The following ZC3H12D variants were observed in gnomAD, a reference collection of about 807,000 sequenced individuals.
ZC3H12D encodes zinc finger CCCH-type containing 12D, also known as probable ribonuclease ZC3H12D.
ZC3H12D carries 11 observed loss-of-function variants against 24.2 expected under a neutral mutation model. The ratio of observed to expected loss-of-function variants is 0.46; its 90% CI spans 0.29 to 0.75. ZC3H12D has a LOEUF of 0.75. Among genes scored for constraint, ZC3H12D ranks in the 30% least tolerant of loss-of-function variants. The pLI, the probability that ZC3H12D is intolerant of heterozygous loss-of-function variation, is 0.11. For missense variants in ZC3H12D, 740 were observed against 767.7 expected, an observed-to-expected ratio of 0.96 and a Z score of 0.43; for synonymous variants, 333 against 341.8, an observed-to-expected ratio of 0.97 and a Z score of 0.28.
chr6:149,457,041 G>A, intron 3 of ZC3H12D, 141 bp from the exon 4 acceptor site: 2 of 787,990 alleles, frequency 2.5e-6, no homozygotes, highest in South Asian at 1.8e-5. Context: ...AGTTTTTGCC[G>A]CCATAGCGTT....
At chr6:149,473,397 A>C (rs438852) in intron 2 of ZC3H12D, among the ~76,000 whole-genome samples, 1 of 152,080 alleles carries the variant, frequency 6.6e-6, no homozygotes, top group Non-Finnish European at 1.5e-5. Flanking sequence ...GGAGTGAACC[A>C]TTTCCTATGG....
chr6:149,456,627 C>CCCCCCCCCCCCCGGGGTGAG lies in ZC3H12D; in HGVS notation c.680+38_680+39insCTCACCCCGGGGGGGGGGGG. ...CTGCCTCGACCCCGGCCCCCCGCCC[C>CCCCCCCCCCCCCGGGGTGAG]GCCGCCCCCCAGGGTGTCAGGACCC... On this transcript the variant is annotated intron_variant, in intron 4 of 5. Coordinates refer to ENST00000409806, the MANE Select transcript of ZC3H12D (RefSeq NM_207360.3). The surrounding 1 kb of genome is among the most constrained non-coding windows in gnomAD (Gnocchi z 4.3). The CCCCCCCCCCCCCGGGGTGAG allele has an allele frequency of 7.1e-7, 1 of 1,403,090 alleles. No homozygotes were observed. 86.9% of individuals were successfully genotyped at this position (1,403,090 alleles called of 1,614,324 possible).
Position 149,452,447 on chromosome 6 carries a change from A to G in ZC3H12D, c.787+169T>C, listed in dbSNP as rs1299695567. 2.6e-5 allele frequency: 14 copies of G among 539,872 alleles called. No individual in the cohort carries two copies. The highest frequency in any genetic ancestry group is 4.1e-5 in the Non-Finnish European group (13 of 320,344). 33.4% of individuals were successfully genotyped at this position (539,872 alleles called of 1,614,324 possible). On this transcript the variant is annotated intron_variant, in intron 5 of 5. Transcript: ENST00000409806. This position sits in a 1 kb window ranked among gnomAD's most constrained non-coding sequence, Gnocchi z 4.0. ...AATCACCGGCCAGGATGTCAGTTCT[A>G]CAATAACCCTGTCAGGAAAGTTAAC...
rs759349875 is a variant in ZC3H12D, at chr6:149,456,715, TC to T, written c.630del (p.Trp210Ter). 1 of 1,613,586 alleles carries T rather than the reference TC, an allele frequency of 6.2e-7. No homozygotes were observed. On this transcript the variant is annotated frameshift_variant, in exon 4 of 6. Coordinates refer to ENST00000409806, the MANE Select transcript of ZC3H12D (RefSeq NM_207360.3). LOFTEE classifies it high-confidence loss of function. The surrounding 1 kb of genome is among the most constrained non-coding windows in gnomAD (Gnocchi z 4.3). ...YRDLQSENPE[W>X]KWFIEQRLLM... ...AGCAGCCTCTGCTCGATGAACCACT[TC>T]CACTCGGGGTTCTCGCTCTGCAGGT...
intron 1 of ZC3H12D, among the ~76,000 whole-genome samples, chr6:149,482,537 G>C (rs1220084864): frequency 6.6e-6 from 1 of 152,200 alleles, no homozygotes; most frequent in Non-Finnish European, 1.5e-5. Flanking sequence ...GGGCTGCTGG[G>C]GGTGGGTTCG....
intron 3 of ZC3H12D, among the ~76,000 whole-genome samples, chr6:149,457,950 G>A (rs1389914022): frequency 6.6e-6 from 1 of 151,962 alleles, no homozygotes; most frequent in East Asian, 1.9e-4. Context: ...AATAGGAGGT[G>A]GCTCATGTTT....
At chr6:149,453,150 A>T (rs1348893259) in intron 4 of ZC3H12D, among the ~76,000 whole-genome samples, 1 of 151,576 alleles carries the variant, frequency 6.6e-6, no homozygotes, top group Non-Finnish European at 1.5e-5. Flanking sequence ...AAAAAAAGAA[A>T]ATTAGCCAGA....
At chr6:149,478,376 T>A (rs1186370112) in intron 1 of ZC3H12D, among the ~76,000 whole-genome samples, 1 of 150,968 alleles carries the variant, frequency 6.6e-6, no homozygotes, top group Non-Finnish European at 1.5e-5. Context: ...TGTTAATTAG[T>A]GCCAGGCTTC....
At chr6:149,455,084 T>G (rs923150488) in intron 4 of ZC3H12D, among the ~76,000 whole-genome samples, 2 of 152,162 alleles carry the variant, frequency 1.3e-5, no homozygotes, top group Non-Finnish European at 2.9e-5. Flanking sequence ...CTCAGAGAGG[T>G]TGAGTGGTTC....
At chr6:149,458,128 C>CTTTTTTTTTTTTTTTTTTTTTTGTTTTTT (rs1776016021) in intron 3 of ZC3H12D, among the ~76,000 whole-genome samples, 1 of 39,756 alleles carries the variant, frequency 2.5e-5, no homozygotes, top group East Asian at 7.6e-4. Flanking sequence ...TTTTTCGTTT[C>CTTTTTTTTTTTTTTTTTTTTTTGTTTTTT]TTTTTTTTTT....
intron 1 of ZC3H12D, among the ~76,000 whole-genome samples, chr6:149,476,339 T>C (rs900170030): frequency 1.3e-5 from 2 of 152,156 alleles, no homozygotes; most frequent in Non-Finnish European, 2.9e-5. Flanking sequence ...ATCCTGTCTC[T>C]ACTAAAAATA....
intron 2 of ZC3H12D, among the ~76,000 whole-genome samples, chr6:149,472,350 T>C (rs775372798): frequency 1.3e-5 from 2 of 152,218 alleles, no homozygotes; most frequent in Non-Finnish European, 1.5e-5. Flanking sequence ...ACACATTGTG[T>C]GTGTGTGTCC....
chr6:149,460,370 C>A (rs990341560), intron 3 of ZC3H12D, among the ~76,000 whole-genome samples: 1 of 152,188 alleles, frequency 6.6e-6, no homozygotes, highest in Non-Finnish European at 1.5e-5. Context: ...GTATAAGAAG[C>A]CAAACAACAA....
rs1237716709 is a variant in ZC3H12D at position 149,449,366 on chromosome 6, T to C, written c.*1317A>G. 6.6e-6 allele frequency: 1 copy of C among 152,192 alleles called. No individual in the cohort carries two copies. The highest frequency in any genetic ancestry group is 1.5e-5 in the Non-Finnish European group (1 of 68,178). 9.4% of individuals were successfully genotyped at this position (152,192 alleles called of 1,614,324 possible). A position where few individuals can be genotyped will look rare whatever the true frequency, so the allele number is the denominator to read the frequency against. The stretch of plus-strand genomic sequence containing the variant: ...GGCTGAGGCAGGGGGATCACTTGAA[T>C]CCAGGAGTTTGAGGCTGCAGTGAGC... On this transcript the variant is annotated 3_prime_UTR_variant, in exon 6 of 6. Transcript: ENST00000409806.
Position 149,450,683 on chromosome 6 carries a change from T to C in ZC3H12D, c.1584A>G (p.Ter528=). The C allele has an allele frequency of 1.3e-6, 2 of 1,524,584 alleles. No individual in the cohort carries two copies. The highest frequency in any genetic ancestry group is 1.8e-6 in the Non-Finnish European group (2 of 1,133,918). 94.4% of individuals were successfully genotyped at this position (1,524,584 alleles called of 1,614,324 possible). ...QSAGAPLGKP[*] ...TTCCCTGCAAGTGCGTGTTGGTCCC[T>C]TAGGGCTTGCCCAGGGGCGCCCCCG... Residue 528 remains the stop codon, a stop_retained_variant, in exon 6 of 6, where the codon TAA becomes TAG. Coordinates refer to ENST00000409806, the MANE Select transcript of ZC3H12D (RefSeq NM_207360.3).
rs1381871932 is a variant in ZC3H12D, at chr6:149,456,200, C to T, written c.680+466G>A. 1.3e-5 allele frequency among the ~76,000 whole-genome samples: 2 copies of T among 151,202 alleles called. No individual in the cohort carries two copies. Among genetic ancestry groups the T allele is most frequent in the African/African-American group, 2.4e-5 (1 of 41,062 alleles). ...CTGGGAGGCAGAGTTTGCAGTGAGC[C>T]AAGATTGAGCCACTGCACTCCAGCC... On this transcript the variant is annotated intron_variant, in intron 4 of 5. Coordinates refer to ENST00000409806, the MANE Select transcript of ZC3H12D (RefSeq NM_207360.3). The surrounding 1 kb of genome is among the most constrained non-coding windows in gnomAD (Gnocchi z 4.3).
chr6:149,478,370 A>C (rs1431545808), intron 1 of ZC3H12D, among the ~76,000 whole-genome samples: 4 of 151,554 alleles, frequency 2.6e-5, no homozygotes, highest in African/African-American at 9.7e-5. Flanking sequence ...CAGAAATGTT[A>C]ATTAGTGCCA....
intron 2 of ZC3H12D, among the ~76,000 whole-genome samples, chr6:149,467,987 C>T (rs1737336): frequency 0.36 from 54,494 of 151,912 alleles, 10,304 homozygotes; most frequent in African/African-American, 0.46. Flanking sequence ...TTTTTGTTTT[C>T]TGTTTGTTTT....
Position 149,474,264 on chromosome 6 carries a change from T to C in ZC3H12D, c.280A>G (p.Ile94Val), listed in dbSNP as rs1358007399. The change falls in exon 2 of 6, where the codon ATT becomes GTT. Residue 94 changes from isoleucine to valine, a missense_variant. By Grantham distance (29) the Ile-to-Val change is conservative (BLOSUM62 3). Transcript: ENST00000409806. ...TLASSLRPIV[I>V]DGSNVAMSHG... ...CTCATCGCCACGTTGCTGCCATCAA[T>C]CACTATGGGTCGCAGAGAACTGGCC... 1.3e-6 allele frequency: 2 copies of C among 1,489,534 alleles called. No homozygotes were observed. The highest frequency in any genetic ancestry group is 1.4e-5 in the African/African-American group (1 of 71,376). The allele number at this position is 1,489,534 out of a possible 1,614,324, so 92.3% of individuals were successfully genotyped here.
Sources: gnomAD v4.1 joint callset for allele counts (sites outside exome capture counted in the v4.1 genomes callset) on GRCh38, gnomAD v4.1.1 for gene constraint, Gnocchi (gnomAD v3.1) non-coding constraint, MANE v1.5 for transcripts, NCBI Gene and HGNC (gene_info 2026-07-23, HGNC 2026-07-21) for gene names.